The following PLD3 variants were observed in gnomAD, a reference collection of about 807,000 sequenced individuals.
PLD3 encodes 5'-3' exonuclease PLD3.
A neutral mutation model predicts 58.4 loss-of-function variants in PLD3; 31 were observed. The ratio of observed to expected loss-of-function variants is 0.53; its 90% confidence interval spans 0.40 to 0.72. The LOEUF (loss-of-function observed/expected upper bound fraction) is 0.72, where lower values mean the gene tolerates loss of function less well. PLD3 is among the 30% of genes least tolerant of loss of function. PLD3 has a pLI of 0.00. For synonymous variants in PLD3, 264 were observed against 273.4 expected (o/e 0.97, Z 0.34); for missense variants, 595 against 659.8 (o/e 0.90, Z 1.08).
chr19:40,374,484 G>T lies in PLD3; in HGVS notation c.883G>T (p.Ala295Ser). 6.2e-7 allele frequency: 1 copy of T among 1,614,066 alleles called. No individual in the cohort carries two copies. Among genetic ancestry groups the T allele is most frequent in the South Asian group, 1.1e-5 (1 of 91,084 alleles). Residue 295 changes from alanine to serine, a missense_variant, in exon 10 of 13, where the codon GCG becomes TCG. By Grantham distance (99) the Ala-to-Ser change is moderately conservative. Coordinates refer to ENST00000409735, the MANE Select transcript of PLD3 (RefSeq NM_012268.4). The stretch of plus-strand genomic sequence containing the variant: ...TTAACTGTCCCCTCGCCCTCAGAGT[G>T]CGCCCCCACCCCTGTGTCCAAGTGG... ...GTPALAYLASAPPPLCPSGRT... is the reference protein window; with the variant it reads ...GTPALAYLASSPPPLCPSGRT...
rs557250935 is a variant in PLD3 at position 40,369,510 on chromosome 19, G to A, written c.430-398G>A. Reference sequence around the variant, plus strand: ...CTAGAACAGGGCCTGGCACACAGTAGGTTCCAGGGCATCCTTGACTGTTGC... The same window carrying A: ...CTAGAACAGGGCCTGGCACACAGTAAGTTCCAGGGCATCCTTGACTGTTGC... On this transcript the variant is annotated intron_variant, in intron 6 of 12. Transcript: ENST00000409735. Among the ~76,000 whole-genome samples the A allele has an allele frequency of 1.1e-3, 161 of 152,308 alleles. No homozygotes were observed. The South Asian group carries it at 0.012, about 12-fold the overall frequency.
At chr19:40,368,363 A>G (rs1297895797) in intron 6 of PLD3, among the ~76,000 whole-genome samples, 4 of 152,206 alleles carry the variant, frequency 2.6e-5, no homozygotes, top group African/African-American at 9.7e-5. Flanking sequence ...AAATTTTAGC[A>G]CAGTGCCTGG....
At chr19:40,363,587 C>T (rs1310198028) in intron 1 of PLD3, among the ~76,000 whole-genome samples, 1 of 152,176 alleles carries the variant, frequency 6.6e-6, no homozygotes, top group Non-Finnish European at 1.5e-5. Flanking sequence ...CCCGCCACCA[C>T]GCCCAGCTAA....
intron 8 of PLD3, chr19:40,371,354 G>A: frequency 3.1e-6 from 1 of 319,046 alleles, no homozygotes. Flanking sequence ...CCAGAGGAAT[G>A]CCTGGTGCAG....
chr19:40,351,823 G>A (rs1433788345), intron 1 of PLD3, among the ~76,000 whole-genome samples: 1 of 152,178 alleles, frequency 6.6e-6, no homozygotes, highest in Non-Finnish European at 1.5e-5. Flanking sequence ...ATGCGGTCCA[G>A]TGTGACATGA....
Position 40,377,803 on chromosome 19 carries a change from C to T in PLD3, c.1203C>T (p.Pro401=), listed in dbSNP as rs200131395. ...CCACTCAGAAACTCTTTGTGGTCCCCGCGGATGAGGCCCAGGCTCGAATCC... is the reference window on the plus strand; with the variant it reads ...CCACTCAGAAACTCTTTGTGGTCCCTGCGGATGAGGCCCAGGCTCGAATCC... ...SDIQVKLFVV[P]ADEAQARIPY... is the part of the protein sequence containing the mutation. Residue 401 remains proline (P), a synonymous_variant, in exon 12 of 13, where the codon CCC becomes CCT. Coordinates refer to ENST00000409735, the MANE Select transcript of PLD3 (RefSeq NM_012268.4). 1.1e-5 allele frequency: 17 copies of T among 1,613,590 alleles called. No homozygotes were observed. Among genetic ancestry groups the T allele is most frequent in the Middle Eastern group, 1.7e-4 (1 of 6,058 alleles).
rs1363625764 is a variant in PLD3 at position 40,370,233 on chromosome 19, C to T, written c.674C>T (p.Thr225Ile). 1 of 1,612,616 alleles carries T rather than the reference C, an allele frequency of 6.2e-7. No individual in the cohort carries two copies. The highest frequency in any genetic ancestry group is 2.2e-5 in the East Asian group (1 of 44,880). ...GSANMDWRSL[T>I]QVKELGVVMY... The stretch of plus-strand genomic sequence containing the variant: ...GCCAACATGGACTGGCGTTCACTGA[C>T]CCAGGTCTGTCTGCACCCTGTCTAC... The change falls in exon 8 of 13, where the codon ACC becomes ATC. Residue 225 changes from threonine to isoleucine, a missense_variant. Thr to Ile is a moderately conservative substitution (Grantham distance 89). Coordinates refer to ENST00000409735, the MANE Select transcript of PLD3 (RefSeq NM_012268.4).
rs1197033070 is a variant in PLD3, at chr19:40,370,035, TG to T, written c.550+11del. 2.6e-6 allele frequency: 4 copies of T among 1,566,114 alleles called. No homozygotes were observed. The highest frequency in any genetic ancestry group is 1.9e-5 in the Admixed American group (1 of 52,520). On this transcript the variant is annotated splice_region_variant and intron_variant, in intron 7 of 12. Transcript: ENST00000409735. The stretch of plus-strand genomic sequence containing the variant: ...CAGGCTCTGCTGCAGAGCGGTGAGC[TG>T]GGGCCCAACTGGGGCTGGTCTGGGC...
intron 1 of PLD3, chr19:40,360,679 C>T (rs1303860994): frequency 6.6e-6 from 1 of 151,810 alleles, no homozygotes; most frequent in Non-Finnish European, 1.5e-5. Flanking sequence ...CCTCCAGAAG[C>T]TGGAGGGGAG....
chr19:40,358,852 G>A (rs914484784), intron 1 of PLD3: 4 of 152,150 alleles, frequency 2.6e-5, no homozygotes, highest in African/African-American at 9.7e-5. Flanking sequence ...ATCTCCCACT[G>A]CCACCCTCCC....
chr19:40,356,952 AT>A (rs2078669586), intron 1 of PLD3: 1 of 152,214 alleles, frequency 6.6e-6, no homozygotes, highest in African/African-American at 2.4e-5. Flanking sequence ...TTTATCATTC[AT>A]GATGCTTTTT....
chr19:40,365,878 G>GC lies in PLD3; in HGVS notation c.-115dup, dbSNP rs1422002792. On this transcript the variant is annotated 5_prime_UTR_variant, in exon 2 of 13. Transcript: ENST00000409735. ...TCAGCCTGTCCAGACAGAAGCTGGG[G>GC]CCCACCGGAGGTAGCTGCAGACGCC... 1 of 154,910 alleles carries GC rather than the reference G, an allele frequency of 6.5e-6. No individual in the cohort carries two copies. Among genetic ancestry groups the GC allele is most frequent in the African/African-American group, 2.4e-5 (1 of 41,470 alleles). The allele number at this position is 154,910 out of a possible 1,614,324, so 9.6% of individuals were successfully genotyped here.
In PLD3 at chr19:40,367,698, C is replaced by T; in HGVS notation, c.248C>T (p.Ala83Val). The part of the protein sequence containing the change: ...RPAPCYDPCE[A>V]VLVESIPEGL... ...TGATAGCATCCCCCACCCCCCAGAG[C>T]AGTGCTGGTGGAAAGCATTCCTGAG... Residue 83 changes from alanine (A) to valine (V), a missense_variant and splice_region_variant, in exon 6 of 13, where the codon GCA becomes GTA. Transcript: ENST00000409735. The T allele has an allele frequency of 6.2e-7, 1 of 1,606,464 alleles. No homozygotes were observed. Among genetic ancestry groups the T allele is most frequent in the Non-Finnish European group, 8.5e-7 (1 of 1,174,296 alleles).
chr19:40,378,329 C>T lies in PLD3; in HGVS notation c.*156C>T, dbSNP rs755210504. ...CTCCCACCTCTACCTCCACCCCCAC[C>T]GGCCTGACGCTGTGGCCCCGGGACC... On this transcript the variant is annotated 3_prime_UTR_variant, in exon 13 of 13. Transcript: ENST00000409735. 19 of 755,762 alleles carry T rather than the reference C, an allele frequency of 2.5e-5. No homozygotes were observed. Among genetic ancestry groups the T allele is most frequent in the Admixed American group, 1.8e-4 (9 of 50,440 alleles). 46.8% of individuals were successfully genotyped at this position (755,762 alleles called of 1,614,324 possible).
intron 1 of PLD3, among the ~76,000 whole-genome samples, chr19:40,362,417 C>T (rs2078809584): frequency 6.6e-6 from 1 of 152,126 alleles, no homozygotes; most frequent in African/African-American, 2.4e-5. Flanking sequence ...ATCGAAATCA[C>T]TTCTCCAGTA....
intron 11 of PLD3, 116 bp from the exon 12 acceptor site, chr19:40,377,665 AGGATT>A: frequency 2.8e-6 from 2 of 723,808 alleles, no homozygotes; most frequent in Non-Finnish European, 4.8e-6. Context: ...CTGGCCCCCG[AGGATT>A]CTGTGGGAAG....
intron 1 of PLD3, among the ~76,000 whole-genome samples, chr19:40,361,563 C>G (rs1012566752): frequency 6.6e-6 from 1 of 152,174 alleles, no homozygotes; most frequent in Non-Finnish European, 1.5e-5. Context: ...CCACTCCCCC[C>G]AGCCCACTTC....
chr19:40,374,115 G>A (rs1158077927), intron 9 of PLD3, among the ~76,000 whole-genome samples: 2 of 152,034 alleles, frequency 1.3e-5, no homozygotes, highest in East Asian at 1.9e-4. Context: ...TGATTCAGTA[G>A]GCCATGTGCA....
chr19:40,353,070 T>C (rs2078558354), intron 1 of PLD3, among the ~76,000 whole-genome samples: 1 of 152,190 alleles, frequency 6.6e-6, no homozygotes, highest in African/African-American at 2.4e-5. Flanking sequence ...TCGCCTGATG[T>C]GATGAAGGGA....
Sources: allele counts gnomAD v4.1 joint callset (sites outside exome capture counted in the v4.1 genomes callset), GRCh38; gene constraint gnomAD v4.1.1; transcripts MANE v1.5; gene names NCBI Gene and HGNC (gene_info 2026-07-23, HGNC 2026-07-21).